GIGYF2: variants seen among roughly 807,000 people sequenced by gnomAD.
GIGYF2 encodes the protein GRB10 interacting GYF protein 2, also known as GRB10-interacting GYF protein 2.
A neutral mutation model predicts 208.1 loss-of-function variants in GIGYF2; 25 were observed. The ratio of observed to expected loss-of-function variants is 0.12; its 90% CI spans 0.09 to 0.17. The LOEUF (loss-of-function observed/expected upper bound fraction) is 0.17, where lower values mean the gene tolerates loss of function less well. Among genes scored for constraint, GIGYF2 ranks in the 10% least tolerant of loss-of-function variants. The pLI, the probability that GIGYF2 is intolerant of heterozygous loss-of-function variation, is 1.00. For synonymous variants in GIGYF2, 534 were observed against 543.8 expected (o/e 0.98, Z 0.25); for missense variants, 1,302 against 1,579.4 (o/e 0.82, Z 2.98).
At chr2:232,799,436 A>G (rs953604511) in intron 14 of GIGYF2, among the ~76,000 whole-genome samples, 15 of 151,788 alleles carry the variant, frequency 9.9e-5, no homozygotes, top group Middle Eastern at 3.4e-3. Flanking sequence ...TGTAGTCCCA[A>G]CTACTCAGGA....
intron 8 of GIGYF2, among the ~76,000 whole-genome samples, chr2:232,773,766 A>G (rs1368758306): frequency 9.9e-5 from 15 of 152,148 alleles, no homozygotes; most frequent in Non-Finnish European, 2.9e-5. Flanking sequence ...GGCACAGAGT[A>G]AGCTCTCAGT....
chr2:232,814,575 C>T lies in GIGYF2; in HGVS notation c.2108-1062C>T, dbSNP rs536042733. The stretch of plus-strand genomic sequence containing the variant: ...GAGACTCCACCTCAAACCCCCCCCC[C>T]CCAAAAAAAAAGTACCTTCAGGCTA... On this transcript the variant is annotated intron_variant, in intron 18 of 28. Transcript: ENST00000373563. Among the ~76,000 whole-genome samples the T allele has an allele frequency of 6.8e-4, 93 of 136,204 alleles. 8 individuals are homozygous for T. The highest frequency in any genetic ancestry group is 7.3e-4 in the South Asian group (3 of 4,114). 89.4% of individuals were successfully genotyped at this position (136,204 alleles called of 152,430 possible). A position where few individuals can be genotyped will look rare whatever the true frequency, so the allele number is the denominator to read the frequency against.
At chr2:232,830,555 T>C (rs1021202115) in intron 21 of GIGYF2, among the ~76,000 whole-genome samples, 2 of 152,208 alleles carry the variant, frequency 1.3e-5, no homozygotes, top group African/African-American at 4.8e-5. Flanking sequence ...TGTTAATATC[T>C]TACATGAGTA....
chr2:232,835,315 C>A lies in GIGYF2; in HGVS notation c.2766+2222C>A, dbSNP rs368021460. Among the ~76,000 whole-genome samples the A allele has an allele frequency of 1.9e-4, 29 of 152,144 alleles. 1 individual carries two copies. Among genetic ancestry groups the A allele is most frequent in the African/African-American group, 6.5e-4 (27 of 41,502 alleles). On this transcript the variant is annotated intron_variant, in intron 22 of 28. Coordinates refer to ENST00000373563, the MANE Select transcript of GIGYF2 (RefSeq NM_001103146.3). ...TTCCTTTTGGTTTTTTAAAAAATAT[C>A]ATCTATCTCTTTATCAATATTCTTT... is the stretch of plus-strand genomic sequence containing the variant.
At chr2:232,762,250 GT>G (rs1218496602) in intron 8 of GIGYF2, among the ~76,000 whole-genome samples, 4 of 101,574 alleles carry the variant, frequency 3.9e-5, no homozygotes, top group Non-Finnish European at 8.4e-5. Context: ...TTTTTTTTTT[GT>G]TTTTTTTTGA....
chr2:232,704,989 A>G (rs1175634373), intron 2 of GIGYF2, among the ~76,000 whole-genome samples: 2 of 149,504 alleles, frequency 1.3e-5, no homozygotes, highest in Non-Finnish European at 3.0e-5. Flanking sequence ...CCTCCCAAGT[A>G]GCTGGGATTA....
intron 8 of GIGYF2, among the ~76,000 whole-genome samples, chr2:232,763,430 A>G (rs115244440): frequency 6.6e-6 from 1 of 152,180 alleles, no homozygotes. Flanking sequence ...TTCTATACAT[A>G]TATATCTATG....
chr2:232,772,061 T>G (rs1218576468), intron 8 of GIGYF2, among the ~76,000 whole-genome samples: 1 of 152,212 alleles, frequency 6.6e-6, no homozygotes. Flanking sequence ...CATAGCTCAC[T>G]GCAACCTCAG....
intron 2 of GIGYF2, among the ~76,000 whole-genome samples, chr2:232,725,950 TACTTGTA>T (rs1697180120): frequency 6.6e-6 from 1 of 152,264 alleles, no homozygotes; most frequent in Admixed American, 6.5e-5. Context: ...AGGTTGGGGC[TACTTGTA>T]AAAGTTTGGA....
chr2:232,857,714 C>T lies in GIGYF2; in HGVS notation c.*854C>T, dbSNP rs765022560. 1 of 152,564 alleles carries T rather than the reference C, an allele frequency of 6.6e-6. No homozygotes were observed. Among genetic ancestry groups the T allele is most frequent in the Non-Finnish European group, 1.5e-5 (1 of 68,022 alleles). The allele number at this position is 152,564 out of a possible 1,614,324, so 9.5% of individuals were successfully genotyped here. On this transcript the variant is annotated 3_prime_UTR_variant, in exon 29 of 29. Transcript: ENST00000373563. The stretch of plus-strand genomic sequence containing the variant: ...TAGGACCATTTTGTTTTGGGCCCTT[C>T]TGCTGAAAATTTGTCTCGTTTAAGA...
chr2:232,740,348 A>G (rs948877633), intron 3 of GIGYF2, among the ~76,000 whole-genome samples: 3 of 152,194 alleles, frequency 2.0e-5, no homozygotes, highest in East Asian at 3.8e-4. Flanking sequence ...GGACTTTATT[A>G]TAGGGAGAAT....
rs184543269 is a variant in GIGYF2, at chr2:232,858,374, C to T, written c.*1514C>T. On this transcript the variant is annotated 3_prime_UTR_variant, in exon 29 of 29. Coordinates refer to ENST00000373563, the MANE Select transcript of GIGYF2 (RefSeq NM_001103146.3). ...ATTCTCCCTATCCCTTCTTGCCTCC[C>T]TCCCTTCTAAACATGTGTAATAACT... 2.6e-4 allele frequency: 105 copies of T among 410,488 alleles called. 1 individual carries two copies. Among genetic ancestry groups the T allele is most frequent in the African/African-American group, 1.3e-3 (62 of 47,366 alleles). The allele number at this position is 410,488 out of a possible 1,614,324, so 25.4% of individuals were successfully genotyped here.
Position 232,847,564 on chromosome 2 carries a change from A to T in GIGYF2, c.3677A>T (p.Gln1226Leu). The change falls in exon 27 of 29, where the codon CAA becomes CTA. Residue 1226 changes from glutamine to leucine, a missense_variant. Physicochemically the swap from Gln to Leu is moderately radical, Grantham distance 113 (BLOSUM62 -2). Around this residue, in one of 8 missense-constraint regions of GIGYF2, gnomAD observed 701 missense variants for 793.0 expected, o/e 0.88. Transcript: ENST00000373563. ...CCACAGCAGCCGCCACAGCAGCCAC[A>T]ACAGCAGGTATAAAGTAGTGTGGTG... is the stretch of plus-strand genomic sequence containing the variant. Reference protein sequence around the residue: ...QPPQQPPQQPQQQDSVWGMNH... With the variant: ...QPPQQPPQQPLQQDSVWGMNH... 2 of 1,579,846 alleles carry T rather than the reference A, an allele frequency of 1.3e-6. No individual in the cohort carries two copies. Among genetic ancestry groups the T allele is most frequent in the Non-Finnish European group, 1.7e-6 (2 of 1,151,864 alleles).
intron 28 of GIGYF2, among the ~76,000 whole-genome samples, chr2:232,855,808 C>G (rs961050871): frequency 2.0e-5 from 3 of 152,132 alleles, no homozygotes; most frequent in African/African-American, 7.2e-5. Context: ...CCACCCCCAT[C>G]TCTTTTAAGG....
intron 27 of GIGYF2, 75 bp from the exon 28 acceptor site, chr2:232,850,187 C>G: frequency 7.9e-7 from 1 of 1,260,610 alleles, no homozygotes; most frequent in Non-Finnish European, 1.2e-6. Context: ...AAGGTGAGGA[C>G]AAACCAAACA....
At chr2:232,835,590 T>C (rs1452741073) in intron 22 of GIGYF2, among the ~76,000 whole-genome samples, 1 of 152,212 alleles carries the variant, frequency 6.6e-6, no homozygotes, top group African/African-American at 2.4e-5. Flanking sequence ...ACTCTGGGTA[T>C]CTCCACCCGC....
At chr2:232,708,448 T>G (rs1696230875) in intron 2 of GIGYF2, among the ~76,000 whole-genome samples, 1 of 151,822 alleles carries the variant, frequency 6.6e-6, no homozygotes, top group Non-Finnish European at 1.5e-5. Flanking sequence ...CTCTGAAAAT[T>G]GCAAGGAACT....
In GIGYF2 at chr2:232,747,639, G is replaced by A; in HGVS notation, c.66G>A (p.Gly22=). 1 of 1,613,868 alleles carries A rather than the reference G, an allele frequency of 6.2e-7. No individual in the cohort carries two copies. The highest frequency in any genetic ancestry group is 8.5e-7 in the Non-Finnish European group (1 of 1,179,824). The change falls in exon 4 of 29, where the codon GGG becomes GGA. Residue 22 remains glycine (G), a synonymous_variant. Coordinates refer to ENST00000373563, the MANE Select transcript of GIGYF2 (RefSeq NM_001103146.3). ...GGCTCCGAGCTCTGTCCAGTGGTGG[G>A]AGTATTACATCCCCTCCTCTTTCTC... ...PEWLRALSSG[G]SITSPPLSPA...
intron 2 of GIGYF2, among the ~76,000 whole-genome samples, chr2:232,724,190 C>T (rs560896032): frequency 5.3e-5 from 8 of 149,904 alleles, no homozygotes; most frequent in South Asian, 2.1e-4. Flanking sequence ...AACAGGCGCC[C>T]GCTGCCACAC....
Sources: gnomAD v4.1 joint callset for allele counts (sites outside exome capture counted in the v4.1 genomes callset) on GRCh38, gnomAD v4.1.1 for gene constraint, gnomAD v4.1.1 regional missense constraint, MANE v1.5 for transcripts, NCBI Gene and HGNC (gene_info 2026-07-23, HGNC 2026-07-21) for gene names.